TMEM154: variants seen among roughly 807,000 people sequenced by gnomAD.
The protein encoded by TMEM154 is transmembrane protein 154.
Under a neutral mutation model 24.5 loss-of-function variants are expected in TMEM154, and 27 were observed. That is an observed-to-expected ratio of 1.10 (90% CI 0.81 to 1.52). TMEM154 has a LOEUF of 1.52. Among genes scored for constraint, TMEM154 ranks in the 40% most tolerant of loss-of-function variants. The pLI, the probability that TMEM154 is intolerant of heterozygous loss-of-function variation, is 0.00. For missense variants in TMEM154, 228 were observed against 213.4 expected, an observed-to-expected ratio of 1.07 and a Z score of -0.43; for synonymous variants, 67 against 76.8, an observed-to-expected ratio of 0.87 and a Z score of 0.67.
rs1001749428 is a variant in TMEM154 at position 152,629,787 on chromosome 4, C to T, written c.537-1226G>A. ...ACTCCATGTGTTTCTAAAAGGACTT[C>T]GGAGCAACTGAGACACACATAGATA... On this transcript the variant is annotated intron_variant, in intron 6 of 6. Coordinates refer to ENST00000304385, the MANE Select transcript of TMEM154 (RefSeq NM_152680.3). Among the ~76,000 whole-genome samples the T allele has an allele frequency of 5.9e-5, 9 of 152,042 alleles. No homozygotes were observed. In the South Asian group the frequency reaches 6.2e-4, roughly 11 times the overall value.
At chr4:152,651,307 C>G (rs180783272) in intron 3 of TMEM154, among the ~76,000 whole-genome samples, 19 of 152,144 alleles carry the variant, frequency 1.2e-4, no homozygotes, top group African/African-American at 3.6e-4. Flanking sequence ...CGTGAGCCAC[C>G]ATGCCCAGTC....
At chr4:152,662,960 C>T (rs561163093) in intron 1 of TMEM154, among the ~76,000 whole-genome samples, 1 of 152,322 alleles carries the variant, frequency 6.6e-6, no homozygotes, top group Non-Finnish European at 1.5e-5. Flanking sequence ...TTCAGAAGAG[C>T]TAGGCTTGAG....
At chr4:152,639,579 T>TCTCTCTCTCCCC (rs1752215688) in intron 6 of TMEM154, among the ~76,000 whole-genome samples, 1 of 151,914 alleles carries the variant, frequency 6.6e-6, no homozygotes, top group Non-Finnish European at 1.5e-5. Flanking sequence ...TCTCTCTCTC[T>TCTCTCTCTCCCC]CTCTCTCTCC....
At chr4:152,677,215 T>A (rs1728968562) in intron 1 of TMEM154, among the ~76,000 whole-genome samples, 1 of 152,228 alleles carries the variant, frequency 6.6e-6, no homozygotes, top group African/African-American at 2.4e-5. Flanking sequence ...ATTATTTCTC[T>A]TGGGGTAGAA....
At chr4:152,644,237 G>A (rs2149781297) in intron 4 of TMEM154, among the ~76,000 whole-genome samples, 178 bp downstream of exon 4, 2 of 152,278 alleles carry the variant, frequency 1.3e-5, no homozygotes, top group South Asian at 4.1e-4. Flanking sequence ...TCACACGCTG[G>A]ATAGGGTTTG....
In TMEM154 at chr4:152,644,414, C is replaced by G; in HGVS notation, c.392+1G>C. ...GATCAGAAGCAGCAGGGAAAACTTACACTTTCACGTTTTCACTTCCCAGTT... is the reference window on the plus strand; with the variant it reads ...GATCAGAAGCAGCAGGGAAAACTTAGACTTTCACGTTTTCACTTCCCAGTT... On this transcript the variant is annotated splice_donor_variant, in intron 4 of 6. Transcript: ENST00000304385. LOFTEE classifies it high-confidence loss of function. 6.2e-7 allele frequency: 1 copy of G among 1,614,164 alleles called. No individual in the cohort carries two copies. The highest frequency in any genetic ancestry group is 8.5e-7 in the Non-Finnish European group (1 of 1,179,998).
chr4:152,676,072 C>T (rs927737306), intron 1 of TMEM154, among the ~76,000 whole-genome samples: 6 of 152,214 alleles, frequency 3.9e-5, no homozygotes, highest in Non-Finnish European at 7.3e-5. Context: ...CCTGAAGCCT[C>T]TTACCCAGTG....
At chr4:152,647,209 C>A in intron 3 of TMEM154, 1 of 943,310 alleles carries the variant, frequency 1.1e-6, no homozygotes, top group Non-Finnish European at 1.2e-6. Flanking sequence ...AACAGTATGT[C>A]TGCTTCTAAC....
intron 1 of TMEM154, chr4:152,666,929 T>C (rs994807432): frequency 6.6e-6 from 1 of 152,342 alleles, no homozygotes; most frequent in Non-Finnish European, 1.5e-5. Flanking sequence ...CCATTGCTCA[T>C]GGACTGCAGA....
At chr4:152,676,496 C>T (rs563407917) in intron 1 of TMEM154, among the ~76,000 whole-genome samples, 1 of 152,332 alleles carries the variant, frequency 6.6e-6, no homozygotes, top group African/African-American at 2.4e-5. Context: ...CTCTGTGCCT[C>T]AGTTTTCTCA....
chr4:152,660,754 C>T (rs751277779), intron 1 of TMEM154, among the ~76,000 whole-genome samples: 5 of 152,176 alleles, frequency 3.3e-5, no homozygotes, highest in Non-Finnish European at 7.3e-5. Flanking sequence ...ATTCCTCCGC[C>T]TATACTAGGA....
At chr4:152,670,274 G>A (rs1728800173) in intron 1 of TMEM154, among the ~76,000 whole-genome samples, 1 of 152,212 alleles carries the variant, frequency 6.6e-6, no homozygotes, top group Admixed American at 6.5e-5. Context: ...AGGGACAGAG[G>A]TGAACTGTTC....
chr4:152,653,468 C>G (rs187752961), intron 1 of TMEM154, among the ~76,000 whole-genome samples: 1 of 149,874 alleles, frequency 6.7e-6, no homozygotes, highest in African/African-American at 2.5e-5. Context: ...CAGCTCACTG[C>G]AACCTCCACC....
intron 6 of TMEM154, among the ~76,000 whole-genome samples, chr4:152,635,023 G>T (rs4696140): frequency 0.02 from 2,982 of 152,168 alleles, 114 homozygotes; most frequent in African/African-American, 0.063. Context: ...ATCTATATAC[G>T]TTTAAATGAC....
chr4:152,632,635 C>G (rs1306638608), intron 6 of TMEM154, among the ~76,000 whole-genome samples: 1 of 152,174 alleles, frequency 6.6e-6, no homozygotes, highest in Non-Finnish European at 1.5e-5. Context: ...CAATAAGAAT[C>G]TGAACATTTT....
intron 3 of TMEM154, among the ~76,000 whole-genome samples, chr4:152,651,647 A>T (rs1245545903): frequency 1.3e-5 from 2 of 152,260 alleles, no homozygotes; most frequent in South Asian, 4.1e-4. Flanking sequence ...TCTTCTACCC[A>T]GACCACTGAA....
At chr4:152,639,241 T>C (rs1752207187) in intron 6 of TMEM154, among the ~76,000 whole-genome samples, 2 of 152,126 alleles carry the variant, frequency 1.3e-5, no homozygotes, top group Non-Finnish European at 2.9e-5. Flanking sequence ...ATGAGCCACA[T>C]TGCCTGGCCA....
At chr4:152,630,984 C>A (rs973995471) in intron 6 of TMEM154, among the ~76,000 whole-genome samples, 1 of 152,068 alleles carries the variant, frequency 6.6e-6, no homozygotes, top group Non-Finnish European at 1.5e-5. Flanking sequence ...AAATCAAAAA[C>A]TTTTTTTAGC....
chr4:152,659,440 A>G (rs781018238), intron 1 of TMEM154, among the ~76,000 whole-genome samples: 1 of 152,182 alleles, frequency 6.6e-6, no homozygotes, highest in Non-Finnish European at 1.5e-5. Context: ...ATAAATTATA[A>G]TGTCCAATAG....
Sources: gnomAD v4.1 joint callset for allele counts (sites outside exome capture counted in the v4.1 genomes callset) on GRCh38, gnomAD v4.1.1 for gene constraint, MANE v1.5 for transcripts, NCBI Gene and HGNC (gene_info 2026-07-23, HGNC 2026-07-21) for gene names.